BPGM: variants seen among roughly 807,000 people sequenced by gnomAD.
The protein encoded by BPGM is bisphosphoglycerate mutase, also known as 2,3-bisphosphoglycerate mutase, erythrocyte.
BPGM carries 15 observed loss-of-function variants against 21.6 expected under a neutral mutation model. That is an observed-to-expected ratio of 0.70 (90% CI 0.47 to 1.07). The LOEUF (loss-of-function observed/expected upper bound fraction) is 1.07. Ranked by LOEUF, BPGM falls within the 50% of genes least tolerant of loss-of-function variation. The probability of loss-of-function intolerance (pLI) is 0.00; values close to 1 mark genes in which losing one functional copy is unlikely to be tolerated. For synonymous variants in BPGM, 113 were observed against 116.2 expected, an observed-to-expected ratio of 0.97 and a Z score of 0.18; for missense variants, 273 against 319.0, an observed-to-expected ratio of 0.86 and a Z score of 1.10.
At chr7:134,673,475 G>A (rs1795938570) in intron 2 of BPGM, among the ~76,000 whole-genome samples, 1 of 152,188 alleles carries the variant, frequency 6.6e-6, no homozygotes, top group Non-Finnish European at 1.5e-5. Flanking sequence ...TATTAAACAG[G>A]GGACCTGTTG....
At chr7:134,672,927 C>T (rs1161899039) in intron 2 of BPGM, among the ~76,000 whole-genome samples, 1 of 152,160 alleles carries the variant, frequency 6.6e-6, no homozygotes, top group Non-Finnish European at 1.5e-5. Flanking sequence ...GTAATCTCAG[C>T]ACTTTGGGAG....
chr7:134,660,086 G>T (rs1795706403), intron 1 of BPGM, among the ~76,000 whole-genome samples: 1 of 152,102 alleles, frequency 6.6e-6, no homozygotes, highest in South Asian at 2.1e-4. Context: ...ACCTCAATTT[G>T]ATTTCTTTCC....
At chr7:134,655,132 G>C (rs553582815) in intron 1 of BPGM, among the ~76,000 whole-genome samples, 1 of 152,264 alleles carries the variant, frequency 6.6e-6, no homozygotes, top group East Asian at 1.9e-4. Context: ...GTACAGGTTG[G>C]TGAGCTTTTA....
intron 1 of BPGM, among the ~76,000 whole-genome samples, chr7:134,652,442 C>T (rs1795570959): frequency 6.6e-6 from 1 of 151,942 alleles, no homozygotes; most frequent in African/African-American, 2.4e-5. Flanking sequence ...ATTGATTTAC[C>T]TCATGCATTT....
In BPGM at chr7:134,661,936, A is replaced by C; in HGVS notation, c.429A>C (p.Lys143Asn). The C allele has an allele frequency of 6.2e-7, 1 of 1,614,094 alleles. No homozygotes were observed. The highest frequency in any genetic ancestry group is 1.1e-5 in the South Asian group (1 of 91,082). Reference sequence around the variant, plus strand: ...AAATCTACAACGACCGGAGGTATAAAGTATGCGATGTGCCCTTGGATCAAC... The same window carrying C: ...AAATCTACAACGACCGGAGGTATAACGTATGCGATGTGCCCTTGGATCAAC... ...YQEIYNDRRY[K>N]VCDVPLDQLP... is the part of the protein sequence containing the mutation. The change falls in exon 2 of 3, where the codon AAA becomes AAC. Residue 143 changes from lysine (K) to asparagine (N), a missense_variant. Physicochemically the swap from Lys to Asn is moderately conservative, Grantham distance 94 (BLOSUM62 0). Transcript: ENST00000344924. This position sits in a 1 kb window ranked among gnomAD's most constrained non-coding sequence, Gnocchi z 4.6.
At chr7:134,676,457 T>C (rs1029176991) in intron 2 of BPGM, among the ~76,000 whole-genome samples, 1 of 152,182 alleles carries the variant, frequency 6.6e-6, no homozygotes, top group African/African-American at 2.4e-5. Context: ...ATAAAATCCA[T>C]TTTTCTCTCC....
At chr7:134,673,169 A>G (rs1795932546) in intron 2 of BPGM, among the ~76,000 whole-genome samples, 1 of 152,110 alleles carries the variant, frequency 6.6e-6, no homozygotes, top group African/African-American at 2.4e-5. Flanking sequence ...GCGAGACTCC[A>G]TCTCAAAAAG....
At chr7:134,664,148 T>C (rs989627463) in intron 2 of BPGM, among the ~76,000 whole-genome samples, 7 of 152,206 alleles carry the variant, frequency 4.6e-5, no homozygotes, top group Non-Finnish European at 1.0e-4. Flanking sequence ...AGTTACCATA[T>C]GATCCAGCAA....
intron 2 of BPGM, 107 bp from the exon 3 acceptor site, chr7:134,678,746 G>A (rs1796017702): frequency 8.8e-7 from 1 of 1,131,884 alleles, no homozygotes; most frequent in Non-Finnish European, 1.3e-6. Context: ...GTACCTGCAT[G>A]TTTCAGGCAC....
chr7:134,657,816 C>T (rs1795663779), intron 1 of BPGM, among the ~76,000 whole-genome samples: 1 of 152,116 alleles, frequency 6.6e-6, no homozygotes, highest in African/African-American at 2.4e-5. Flanking sequence ...GAGAAGGAAG[C>T]CCAGAGCATT....
At chr7:134,672,157 A>G (rs1459255555) in intron 2 of BPGM, among the ~76,000 whole-genome samples, 1 of 152,032 alleles carries the variant, frequency 6.6e-6, no homozygotes, top group Non-Finnish European at 1.5e-5. Context: ...AACTTTCATT[A>G]TTTCTTCCTT....
chr7:134,672,924 C>T (rs952034796), intron 2 of BPGM, among the ~76,000 whole-genome samples: 1 of 152,122 alleles, frequency 6.6e-6, no homozygotes, highest in African/African-American at 2.4e-5. Flanking sequence ...CCTGTAATCT[C>T]AGCACTTTGG....
At chr7:134,652,361 G>A (rs1213519319) in intron 1 of BPGM, among the ~76,000 whole-genome samples, 1 of 152,116 alleles carries the variant, frequency 6.6e-6, no homozygotes, top group Non-Finnish European at 1.5e-5. Flanking sequence ...ATGCATAATA[G>A]TTGTATATAT....
chr7:134,654,310 A>G (rs1795603617), intron 1 of BPGM, among the ~76,000 whole-genome samples: 1 of 152,172 alleles, frequency 6.6e-6, no homozygotes. Flanking sequence ...CATCCATTTT[A>G]ATGTGATTAA....
chr7:134,654,176 G>C (rs1457024404), intron 1 of BPGM, among the ~76,000 whole-genome samples: 1 of 151,852 alleles, frequency 6.6e-6, no homozygotes, highest in Non-Finnish European at 1.5e-5. Context: ...ATTCTTGTTG[G>C]ATTACATATT....
chr7:134,653,801 C>G (rs888605885), intron 1 of BPGM, among the ~76,000 whole-genome samples: 7 of 152,146 alleles, frequency 4.6e-5, no homozygotes, highest in Non-Finnish European at 8.8e-5. Context: ...AATCTTGAAC[C>G]ATAACTTCAA....
chr7:134,651,828 G>A (rs986140986), intron 1 of BPGM, among the ~76,000 whole-genome samples: 7 of 152,192 alleles, frequency 4.6e-5, no homozygotes, highest in Admixed American at 2.6e-4. Flanking sequence ...CACCTGCAAA[G>A]TATGTTCTTT....
chr7:134,667,801 C>T (rs1041011107), intron 2 of BPGM, among the ~76,000 whole-genome samples: 1 of 152,112 alleles, frequency 6.6e-6, no homozygotes, highest in Non-Finnish European at 1.5e-5. Context: ...CCTATTTTGT[C>T]TCTAAACTGC....
intron 1 of BPGM, among the ~76,000 whole-genome samples, chr7:134,648,138 T>G (rs1473431328): frequency 3.4e-5 from 5 of 148,560 alleles, no homozygotes; most frequent in Admixed American, 6.7e-5. Flanking sequence ...TTTGGTTTTT[T>G]TTTTGTTTTG....
Sources: allele counts gnomAD v4.1 joint callset (sites outside exome capture counted in the v4.1 genomes callset), GRCh38; gene constraint gnomAD v4.1.1; non-coding constraint Gnocchi (gnomAD v3.1); transcripts MANE v1.5; gene names NCBI Gene and HGNC (gene_info 2026-07-23, HGNC 2026-07-21).